Variants in PRKG1 observed in about 807,000 individuals in gnomAD.
The protein encoded by PRKG1 is cGMP-dependent protein kinase 1.
In PRKG1, 35 loss-of-function variants were observed where a neutral mutation model predicts 88.1. The ratio of observed to expected loss-of-function variants is 0.40; its 90% confidence interval spans 0.30 to 0.53. The LOEUF is 0.53. Among genes scored for constraint, PRKG1 ranks in the 20% least tolerant of loss-of-function variants. The probability of loss-of-function intolerance (pLI) is 0.59; values close to 1 mark genes in which losing one functional copy is unlikely to be tolerated. For missense variants in PRKG1, 540 were observed against 839.8 expected, an observed-to-expected ratio of 0.64 and a Z score of 4.41; for synonymous variants, 303 against 292.5, an observed-to-expected ratio of 1.04 and a Z score of -0.37.
At chr10:52,180,638 CT>C (rs1838994357) in intron 9 of PRKG1, among the ~76,000 whole-genome samples, 1 of 151,928 alleles carries the variant, frequency 6.6e-6, no homozygotes. Context: ...GTTTCTTCAG[CT>C]GTAATCCATG....
At chr10:51,871,866 C>T (rs1307073148) in intron 4 of PRKG1, among the ~76,000 whole-genome samples, 3 of 152,154 alleles carry the variant, frequency 2.0e-5, no homozygotes, top group Admixed American at 6.5e-5. Flanking sequence ...TAGGGCTTGG[C>T]AGTTGCCTCG....
intron 2 of PRKG1, among the ~76,000 whole-genome samples, chr10:51,430,377 C>A (rs1309510570): frequency 6.6e-6 from 1 of 152,078 alleles, no homozygotes; most frequent in Non-Finnish European, 1.5e-5. Flanking sequence ...GCTGAGATTG[C>A]ACCACTGCAC....
At chr10:51,013,804 G>T (rs1030912724) in intron 1 of PRKG1, among the ~76,000 whole-genome samples, 3 of 152,170 alleles carry the variant, frequency 2.0e-5, no homozygotes, top group African/African-American at 7.2e-5. Flanking sequence ...AAGTTATAAA[G>T]GATAACCTTT....
chr10:51,413,889 G>C (rs1447455218), intron 2 of PRKG1, among the ~76,000 whole-genome samples: 1 of 152,008 alleles, frequency 6.6e-6, no homozygotes, highest in East Asian at 1.9e-4. Context: ...TTGTTAGTTT[G>C]ATAACCAAAA....
chr10:52,275,778 T>C (rs962183347), intron 12 of PRKG1, among the ~76,000 whole-genome samples: 4 of 152,154 alleles, frequency 2.6e-5, no homozygotes, highest in Non-Finnish European at 5.9e-5. Flanking sequence ...AGTATAGTCA[T>C]TTTCACAATA....
chr10:52,034,265 G>T (rs1845547476), intron 5 of PRKG1, among the ~76,000 whole-genome samples: 1 of 149,264 alleles, frequency 6.7e-6, no homozygotes, highest in Non-Finnish European at 1.5e-5. Context: ...AAGTGTTGGG[G>T]CGGCAAAAAT....
chr10:51,238,250 G>A (rs1045834280), intron 2 of PRKG1, among the ~76,000 whole-genome samples: 17 of 152,210 alleles, frequency 1.1e-4, no homozygotes, highest in Admixed American at 9.2e-4. Context: ...TTTCATCGTT[G>A]TACTTTATTG....
chr10:51,173,108 C>T (rs1450602174), intron 2 of PRKG1, among the ~76,000 whole-genome samples: 1 of 151,958 alleles, frequency 6.6e-6, no homozygotes, highest in Non-Finnish European at 1.5e-5. Flanking sequence ...ATACACAAAA[C>T]TTTATTTAAT....
intron 2 of PRKG1, chr10:51,302,697 A>G (rs1369935028): frequency 1.3e-5 from 2 of 152,122 alleles, no homozygotes; most frequent in African/African-American, 4.8e-5. Context: ...AGTGAGTAAC[A>G]TTTGAGATGT....
At chr10:51,657,876 G>A (rs1840200931) in intron 3 of PRKG1, among the ~76,000 whole-genome samples, 1 of 152,110 alleles carries the variant, frequency 6.6e-6, no homozygotes, top group African/African-American at 2.4e-5. Flanking sequence ...CATTGCTTGA[G>A]GACTCCAGGG....
At chr10:51,145,047 T>C (rs1164152744) in intron 1 of PRKG1, among the ~76,000 whole-genome samples, 1 of 152,160 alleles carries the variant, frequency 6.6e-6, no homozygotes, top group African/African-American at 2.4e-5. Flanking sequence ...TATTCTAAAA[T>C]GATTTCTTTA....
chr10:51,632,966 T>C (rs1839564815), intron 3 of PRKG1, among the ~76,000 whole-genome samples: 1 of 152,236 alleles, frequency 6.6e-6, no homozygotes, highest in Non-Finnish European at 1.5e-5. Flanking sequence ...TTCCTATTTT[T>C]AGAGATTATG....
intron 2 of PRKG1, among the ~76,000 whole-genome samples, chr10:51,227,533 T>C (rs867148815): frequency 3.3e-5 from 5 of 152,192 alleles, no homozygotes; most frequent in Admixed American, 6.5e-5. Flanking sequence ...TGTTAGCCAC[T>C]AGGAATGTAA....
At chr10:51,844,970 G>T (rs1840363602) in intron 4 of PRKG1, among the ~76,000 whole-genome samples, 1 of 152,046 alleles carries the variant, frequency 6.6e-6, no homozygotes, top group African/African-American at 2.4e-5. Context: ...TTATATCATT[G>T]TATTTTATTT....
chr10:51,054,295 G>T (rs1053129041), intron 1 of PRKG1, among the ~76,000 whole-genome samples: 4 of 152,070 alleles, frequency 2.6e-5, no homozygotes, highest in African/African-American at 9.7e-5. Flanking sequence ...GGCATCAAGA[G>T]AATTACAAAA....
intron 5 of PRKG1, among the ~76,000 whole-genome samples, chr10:51,969,678 T>G (rs1843656368): frequency 6.6e-6 from 1 of 151,968 alleles, no homozygotes; most frequent in Admixed American, 6.6e-5. Flanking sequence ...ACCATTAGTT[T>G]TCAGAGAAAT....
intron 3 of PRKG1, among the ~76,000 whole-genome samples, chr10:51,590,281 CA>C (rs1203711329): frequency 6.6e-6 from 1 of 152,154 alleles, no homozygotes; most frequent in Non-Finnish European, 1.5e-5. Context: ...TCCTATTGCA[CA>C]AGTGAAGAAA....
At chr10:51,848,145 T>A (rs925639674) in intron 4 of PRKG1, among the ~76,000 whole-genome samples, 2 of 152,136 alleles carry the variant, frequency 1.3e-5, no homozygotes. Flanking sequence ...ATACACCACA[T>A]GCCTCCTGCT....
At chr10:51,900,267 G>A (rs553554782) in intron 4 of PRKG1, among the ~76,000 whole-genome samples, 2 of 152,164 alleles carry the variant, frequency 1.3e-5, no homozygotes, top group Non-Finnish European at 2.9e-5. Flanking sequence ...GGAGGTTTAC[G>A]ATAATAGCCT....
Sources: gnomAD v4.1 joint callset for allele counts (sites outside exome capture counted in the v4.1 genomes callset) on GRCh38, gnomAD v4.1.1 for gene constraint, MANE v1.5 for transcripts, NCBI Gene and HGNC (gene_info 2026-07-23, HGNC 2026-07-21) for gene names.